Variants in TENM3 observed in about 807,000 individuals in gnomAD.
The protein encoded by TENM3 is teneurin transmembrane protein 3.
Under a neutral mutation model 255.1 loss-of-function variants are expected in TENM3, and 63 were observed. The ratio of observed to expected loss-of-function variants is 0.25; its 90% CI spans 0.20 to 0.30. The LOEUF (loss-of-function observed/expected upper bound fraction) is 0.30. TENM3 is among the 10% of genes least tolerant of loss of function. The pLI is 1.00. For missense variants in TENM3, 2,929 were observed against 3,461.1 expected, an observed-to-expected ratio of 0.85 and a Z score of 3.86; for synonymous variants, 1,306 against 1,322.3, an observed-to-expected ratio of 0.99 and a Z score of 0.27.
At chr4:181,939,691 A>G in the TENM3 span, among the ~76,000 whole-genome samples, 1 of 152,194 alleles carries the variant, frequency 6.6e-6, no homozygotes, top group African/African-American at 2.4e-5. Context: ...TTGGACAGCT[A>G]TATAAGGGGT....
the TENM3 span, among the ~76,000 whole-genome samples, chr4:181,991,197 T>C: frequency 6.6e-6 from 1 of 152,122 alleles, no homozygotes; most frequent in African/African-American, 2.4e-5. Flanking sequence ...GAAAAAATGC[T>C]CCCCTAAAGT....
the TENM3 span, among the ~76,000 whole-genome samples, chr4:182,115,569 C>T: frequency 1.3e-5 from 2 of 152,090 alleles, no homozygotes; most frequent in African/African-American, 4.8e-5. Flanking sequence ...AGAGGAAATT[C>T]TAGGCTAAGA....
At chr4:182,712,095 T>A (rs1272869969) in intron 12 of TENM3, among the ~76,000 whole-genome samples, 1 of 152,342 alleles carries the variant, frequency 6.6e-6, no homozygotes. Context: ...TTTCAAAATA[T>A]ATGTGGTATC....
the TENM3 span, among the ~76,000 whole-genome samples, chr4:181,678,272 G>T: frequency 6.6e-6 from 1 of 152,022 alleles, no homozygotes; most frequent in Non-Finnish European, 1.5e-5. Context: ...GGGAAGAAGG[G>T]GTTTGTGGGA....
At chr4:182,645,715 A>G (rs1752683941) in intron 5 of TENM3, among the ~76,000 whole-genome samples, 2 of 152,182 alleles carry the variant, frequency 1.3e-5, no homozygotes, top group Admixed American at 6.5e-5. Context: ...GGGCCTCTTT[A>G]TGAGGCTGCC....
At chr4:182,494,022 T>C (rs942209566) in intron 3 of TENM3, among the ~76,000 whole-genome samples, 2 of 152,196 alleles carry the variant, frequency 1.3e-5, no homozygotes, top group Admixed American at 1.3e-4. Flanking sequence ...CCCCTCTTAC[T>C]GCTACTGTTT....
Position 182,628,608 on chromosome 4 carries a change from G to A in TENM3, c.750-43G>A, listed in dbSNP as rs201606752. ...ATCGCTGTCTCTTGTCTCTTGTATCGTAACATATTTGTATCTTATAATGAT... is the reference window on the plus strand; with the variant it reads ...ATCGCTGTCTCTTGTCTCTTGTATCATAACATATTTGTATCTTATAATGAT... On this transcript the variant is annotated intron_variant, in intron 4 of 27. Coordinates refer to ENST00000511685, the MANE Select transcript of TENM3 (RefSeq NM_001080477.4). 2.0e-4 allele frequency: 261 copies of A among 1,294,834 alleles called. 1 individual carries two copies. Among genetic ancestry groups the A allele is most frequent in the Middle Eastern group, 1.3e-3 (7 of 5,482 alleles). 80.2% of individuals were successfully genotyped at this position (1,294,834 alleles called of 1,614,324 possible). A position where few individuals can be genotyped will look rare whatever the true frequency, so the allele number is the denominator to read the frequency against.
intron 3 of TENM3, among the ~76,000 whole-genome samples, chr4:182,396,587 G>T (rs1472469757): frequency 2.0e-5 from 3 of 152,094 alleles, no homozygotes; most frequent in African/African-American, 7.2e-5. Context: ...CTTTTACTTT[G>T]ATCATTTTTA....
chr4:182,360,266 TG>T (rs949126832), intron 3 of TENM3, among the ~76,000 whole-genome samples: 1 of 128,148 alleles, frequency 7.8e-6, no homozygotes, highest in Non-Finnish European at 1.6e-5. Flanking sequence ...GTTCAATTCC[TG>T]GGTATCCTTG....
At chr4:182,568,164 C>T (rs554884180) in intron 3 of TENM3, among the ~76,000 whole-genome samples, 6 of 152,298 alleles carry the variant, frequency 3.9e-5, no homozygotes, top group South Asian at 2.1e-4. Flanking sequence ...AGCTGTACTG[C>T]GTTTCACCTT....
At chr4:182,651,318 G>A (rs1381099334) in intron 5 of TENM3, among the ~76,000 whole-genome samples, 1 of 152,064 alleles carries the variant, frequency 6.6e-6, no homozygotes, top group Non-Finnish European at 1.5e-5. Context: ...AATGCAGAAT[G>A]ACACATGAAG....
chr4:181,550,112 A>G, the TENM3 span, among the ~76,000 whole-genome samples: 4 of 152,206 alleles, frequency 2.6e-5, no homozygotes. Context: ...GTAACAGTGT[A>G]TGGGAGACAG....
intron 4 of TENM3, among the ~76,000 whole-genome samples, chr4:182,624,383 G>A (rs776884512): frequency 5.3e-5 from 8 of 152,148 alleles, no homozygotes; most frequent in East Asian, 3.9e-4. Flanking sequence ...TGAGTTTTGC[G>A]TGTTTCTCTA....
intron 3 of TENM3, among the ~76,000 whole-genome samples, chr4:182,421,224 C>T (rs904390653): frequency 5.9e-5 from 9 of 152,088 alleles, no homozygotes; most frequent in Non-Finnish European, 1.2e-4. Context: ...TCGTCATCAC[C>T]CTTTATTATC....
chr4:182,282,069 G>A (rs1350497577), intron 1 of TENM3, among the ~76,000 whole-genome samples: 3 of 152,328 alleles, frequency 2.0e-5, no homozygotes, highest in Admixed American at 2.0e-4. Flanking sequence ...TTAATTGGTA[G>A]TGTGGTAATT....
the TENM3 span, among the ~76,000 whole-genome samples, chr4:181,477,716 G>A: frequency 6.6e-6 from 1 of 152,136 alleles, no homozygotes; most frequent in Non-Finnish European, 1.5e-5. Flanking sequence ...CAACAACAAC[G>A]AAAAATTGGG....
chr4:182,508,280 T>C (rs1360444576), intron 3 of TENM3, among the ~76,000 whole-genome samples: 1 of 152,196 alleles, frequency 6.6e-6, no homozygotes, highest in Non-Finnish European at 1.5e-5. Context: ...TTATAAATAT[T>C]GTGTAGGGCA....
intron 1 of TENM3, among the ~76,000 whole-genome samples, chr4:182,161,183 G>A (rs1271690248): frequency 1.4e-5 from 2 of 142,712 alleles, no homozygotes; most frequent in Non-Finnish European, 3.0e-5. Context: ...TTGGGAGGCC[G>A]AGGCGGGCGG....
chr4:181,736,114 A>G, the TENM3 span, among the ~76,000 whole-genome samples: 3 of 152,118 alleles, frequency 2.0e-5, no homozygotes, highest in Admixed American at 2.0e-4. Context: ...CCTGGCCAAC[A>G]TGGTGAAACC....
Sources: allele counts gnomAD v4.1 joint callset (sites outside exome capture counted in the v4.1 genomes callset), GRCh38; gene constraint gnomAD v4.1.1; transcripts MANE v1.5; gene names NCBI Gene and HGNC (gene_info 2026-07-23, HGNC 2026-07-21).